Variants in DAB1 observed in about 807,000 individuals in gnomAD.
DAB1 encodes the protein disabled homolog 1.
In DAB1, 15 loss-of-function variants were observed where a neutral mutation model predicts 64.6. That is an observed-to-expected ratio of 0.23 (90% CI 0.16 to 0.36). DAB1 has a LOEUF of 0.36. DAB1 is among the 10% of genes least tolerant of loss of function. DAB1 has a pLI of 1.00. For synonymous variants in DAB1, 235 were observed against 251.9 expected (o/e 0.93, Z 0.64); for missense variants, 596 against 706.7 (o/e 0.84, Z 1.78).
At chr1:57,290,340 C>T (rs1002749023) in intron 2 of DAB1, among the ~76,000 whole-genome samples, 3 of 152,132 alleles carry the variant, frequency 2.0e-5, no homozygotes, top group Admixed American at 2.0e-4. Flanking sequence ...ACCAGCAAGA[C>T]TGGCATCACC....
intron 7 of DAB1, among the ~76,000 whole-genome samples, chr1:57,482,552 C>G (rs1644037204): frequency 6.8e-6 from 1 of 146,370 alleles, no homozygotes; most frequent in Non-Finnish European, 1.5e-5. Flanking sequence ...GCATTGGCAA[C>G]TGTTTAGCAT....
At chr1:58,534,456 T>A in intron 1 of DAB1, 1 of 549,616 alleles carries the variant, frequency 1.8e-6, no homozygotes. Context: ...AAAATCTGCA[T>A]ATATTAAGCA....
intron 1 of DAB1, among the ~76,000 whole-genome samples, chr1:57,877,476 A>G (rs1388081858): frequency 1.3e-5 from 2 of 151,776 alleles, no homozygotes; most frequent in Admixed American, 6.6e-5. Flanking sequence ...AATTCTCTCC[A>G]TCCTGAGTCA....
chr1:57,113,021 T>C (rs1655803547), intron 4 of DAB1, among the ~76,000 whole-genome samples: 1 of 152,032 alleles, frequency 6.6e-6, no homozygotes, highest in Admixed American at 6.5e-5. Context: ...AACATACCAC[T>C]GTGGGGGTAA....
chr1:58,303,438 A>T (rs1457484712), intron 4 of DAB1, among the ~76,000 whole-genome samples: 2 of 152,160 alleles, frequency 1.3e-5, no homozygotes, highest in African/African-American at 4.8e-5. Flanking sequence ...TAATATGGAG[A>T]TGAACAGAAC....
chr1:57,119,670 G>A (rs1656458220), intron 4 of DAB1, among the ~76,000 whole-genome samples: 1 of 152,120 alleles, frequency 6.6e-6, no homozygotes, highest in African/African-American at 2.4e-5. Context: ...AATTAATGGA[G>A]TCTTTAATGC....
intron 4 of DAB1, among the ~76,000 whole-genome samples, chr1:57,094,808 G>A (rs564616): frequency 0.53 from 80,223 of 151,770 alleles, 21,542 homozygotes; most frequent in South Asian, 0.64. Flanking sequence ...TTCCATCCAG[G>A]CCAGGCCAGT....
At chr1:57,983,451 A>G (rs1646115919) in intron 5 of DAB1, among the ~76,000 whole-genome samples, 1 of 152,178 alleles carries the variant, frequency 6.6e-6, no homozygotes, top group Non-Finnish European at 1.5e-5. Context: ...CAATGAGCTC[A>G]CTGGGCAGAG....
At chr1:57,267,696 G>A (rs1468968159) in intron 2 of DAB1, among the ~76,000 whole-genome samples, 1 of 152,126 alleles carries the variant, frequency 6.6e-6, no homozygotes, top group Non-Finnish European at 1.5e-5. Context: ...TCAGGTCATT[G>A]CACTACACGG....
intron 7 of DAB1, among the ~76,000 whole-genome samples, chr1:57,477,728 G>A (rs1034243730): frequency 9.9e-5 from 15 of 152,086 alleles, no homozygotes; most frequent in African/African-American, 2.9e-4. Context: ...GGGTTGGGGC[G>A]ATCACTCTGG....
intron 2 of DAB1, among the ~76,000 whole-genome samples, chr1:57,217,990 G>C (rs989078587): frequency 6.6e-6 from 1 of 152,140 alleles, no homozygotes; most frequent in Non-Finnish European, 1.5e-5. Flanking sequence ...ACAGTAATCA[G>C]TGGCCTCCAG....
At chr1:57,607,006 C>T (rs1017017771) in intron 7 of DAB1, among the ~76,000 whole-genome samples, 68 of 151,636 alleles carry the variant, frequency 4.5e-4, no homozygotes, top group Middle Eastern at 3.4e-3. Flanking sequence ...AGGCTGGTCT[C>T]GAACTCCTGA....
chr1:57,305,059 G>A (rs913058567), intron 1 of DAB1, among the ~76,000 whole-genome samples: 17 of 152,294 alleles, frequency 1.1e-4, no homozygotes, highest in Admixed American at 1.1e-3. Flanking sequence ...GGTGCCAGCG[G>A]GAAACTGATG....
intron 4 of DAB1, among the ~76,000 whole-genome samples, chr1:58,328,677 C>G (rs1478566945): frequency 6.6e-6 from 1 of 152,158 alleles, no homozygotes; most frequent in Non-Finnish European, 1.5e-5. Context: ...GTAATCTCGG[C>G]TCACTGCAAC....
chr1:57,392,731 C>A (rs76799509), intron 1 of DAB1, among the ~76,000 whole-genome samples: 1,837 of 152,280 alleles, frequency 0.012, 48 homozygotes, highest in African/African-American at 0.042. Context: ...CATTTCTAAA[C>A]CCTGACTTCT....
chr1:57,632,867 T>C (rs1239717952), intron 7 of DAB1, among the ~76,000 whole-genome samples: 2 of 152,212 alleles, frequency 1.3e-5, no homozygotes, highest in Non-Finnish European at 2.9e-5. Flanking sequence ...CTATGTGTTT[T>C]AAATGGATCA....
chr1:58,467,352 A>G (rs992753138), intron 3 of DAB1, among the ~76,000 whole-genome samples: 3 of 152,184 alleles, frequency 2.0e-5, no homozygotes, highest in Non-Finnish European at 2.9e-5. Context: ...TGCTTTTTTG[A>G]TTATATTGAA....
chr1:58,261,518 G>C (rs188397424), intron 4 of DAB1, among the ~76,000 whole-genome samples: 119 of 152,264 alleles, frequency 7.8e-4, no homozygotes, highest in African/African-American at 2.8e-3. Flanking sequence ...AAATGGATCT[G>C]AGTGAGCGTG....
intron 2 of DAB1, among the ~76,000 whole-genome samples, chr1:57,272,509 C>T (rs530568278): frequency 6.3e-4 from 96 of 152,166 alleles, no homozygotes; most frequent in Non-Finnish European, 1.0e-3. Context: ...CAAACTGAGG[C>T]ACTTACATAC....
Sources: allele counts gnomAD v4.1 joint callset (sites outside exome capture counted in the v4.1 genomes callset), GRCh38; gene constraint gnomAD v4.1.1; transcripts MANE v1.5; gene names NCBI Gene and HGNC (gene_info 2026-07-23, HGNC 2026-07-21).